The following FMNL2 variants were observed in gnomAD, a reference collection of about 807,000 sequenced individuals.
FMNL2 encodes formin-like protein 2.
Under a neutral mutation model 130.2 loss-of-function variants are expected in FMNL2, and 51 were observed. The ratio of observed to expected loss-of-function variants is 0.39; its 90% CI spans 0.31 to 0.49. The LOEUF (loss-of-function observed/expected upper bound fraction) is 0.49, where lower values mean the gene tolerates loss of function less well. Ranked by LOEUF, FMNL2 falls within the 20% of genes least tolerant of loss-of-function variation. The probability of loss-of-function intolerance (pLI) is 0.85; values close to 1 mark genes in which losing one functional copy is unlikely to be tolerated. For missense variants in FMNL2, 977 were observed against 1,316.2 expected, an observed-to-expected ratio of 0.74 and a Z score of 3.99; for synonymous variants, 465 against 467.1, an observed-to-expected ratio of 1.00 and a Z score of 0.06.
chr2:152,580,817 T>C (rs1025630670), intron 8 of FMNL2, 139 bp from the exon 9 acceptor site: 2 of 715,712 alleles, frequency 2.8e-6, no homozygotes, highest in Non-Finnish European at 4.6e-6. Flanking sequence ...AAATGTACTT[T>C]GATTAAACTG....
chr2:152,640,951 C>A, intron 25 of FMNL2, 37 bp downstream of exon 25: 2 of 1,611,254 alleles, frequency 1.2e-6, no homozygotes, highest in Non-Finnish European at 1.7e-6. Context: ...CATGGAGATC[C>A]CACTGGCCTC....
chr2:152,624,604 C>T (rs180759547), intron 15 of FMNL2, among the ~76,000 whole-genome samples: 2 of 152,060 alleles, frequency 1.3e-5, no homozygotes, highest in Non-Finnish European at 2.9e-5. Context: ...TCTGGGAGGC[C>T]GAGTGGGGAA....
chr2:152,583,477 C>A (rs1041890451), intron 9 of FMNL2, among the ~76,000 whole-genome samples: 3 of 152,194 alleles, frequency 2.0e-5, no homozygotes, highest in African/African-American at 7.2e-5. Context: ...TTGAGAGAGT[C>A]ACACAAGGTG....
chr2:152,406,044 A>G (rs1685961202), intron 1 of FMNL2, among the ~76,000 whole-genome samples: 2 of 152,136 alleles, frequency 1.3e-5, no homozygotes, highest in Non-Finnish European at 1.5e-5. Context: ...CAAGGTATAT[A>G]TATCTCTTGT....
chr2:152,644,827 A>G (rs1683400883), intron 25 of FMNL2, among the ~76,000 whole-genome samples: 1 of 152,164 alleles, frequency 6.6e-6, no homozygotes, highest in Non-Finnish European at 1.5e-5. Context: ...CTGTTTTTAA[A>G]TTGGGGGGGA....
chr2:152,525,393 A>G (rs779077921), intron 2 of FMNL2, among the ~76,000 whole-genome samples: 6 of 151,344 alleles, frequency 4.0e-5, no homozygotes, highest in Non-Finnish European at 8.8e-5. Context: ...ACCAACATAT[A>G]ATCCAGTCCA....
intron 1 of FMNL2, among the ~76,000 whole-genome samples, chr2:152,502,695 C>G (rs557494124): frequency 3.3e-4 from 50 of 152,244 alleles, no homozygotes; most frequent in African/African-American, 1.1e-3. Flanking sequence ...TCAAAAAAAC[C>G]CAGAAAACCC....
intron 4 of FMNL2, among the ~76,000 whole-genome samples, chr2:152,556,316 G>A (rs1695200056): frequency 6.6e-6 from 1 of 152,110 alleles, no homozygotes; most frequent in African/African-American, 2.4e-5. Context: ...CAAATCCCAG[G>A]GAGGATCTTG....
intron 9 of FMNL2, among the ~76,000 whole-genome samples, chr2:152,606,423 A>G (rs1698356946): frequency 1.3e-5 from 2 of 152,182 alleles, no homozygotes; most frequent in South Asian, 4.1e-4. Context: ...GACTTTAAAA[A>G]TAAGTCTTCA....
chr2:152,606,654 G>A (rs1355957502), intron 9 of FMNL2, among the ~76,000 whole-genome samples: 1 of 56,196 alleles, frequency 1.8e-5, no homozygotes, highest in South Asian at 5.0e-4. Flanking sequence ...TTTTTTTTTA[G>A]CTCCATGTAT....
chr2:152,606,629 CTTTTTTTTTTTTT>C (rs70974875), intron 9 of FMNL2, among the ~76,000 whole-genome samples: 1 of 105,480 alleles, frequency 9.5e-6, no homozygotes, highest in Non-Finnish European at 1.9e-5. Flanking sequence ...TTTTTTGACT[CTTTTTTTTTTTTT>C]TTTTTTTTTT....
In FMNL2 at chr2:152,387,196, T is replaced by G. The variant is rs112788822; in HGVS notation, c.117+51476T>G. Among the ~76,000 whole-genome samples the G allele has an allele frequency of 1.5e-4, 23 of 152,286 alleles. 2 individuals are homozygous for G. The highest frequency in any genetic ancestry group is 5.1e-4 in the African/African-American group (21 of 41,568). On this transcript the variant is annotated intron_variant, in intron 1 of 25. Transcript: ENST00000288670. ...CAAAGCCCAACTGTTATCTATAGTG[T>G]GCTGTTGCCAAGCTCCCAGTAAAGT...
Position 152,348,875 on chromosome 2 carries a change from C to T in FMNL2, c.117+13155C>T, listed in dbSNP as rs1247361559. On this transcript the variant is annotated intron_variant, in intron 1 of 25. Transcript: ENST00000288670. ...CGGAGTCTCGCTCTGTCGCCCAGGC[C>T]GGACTGTGGACTGCAGTGGCACAAT... 7.1e-5 allele frequency among the ~76,000 whole-genome samples: 8 copies of T among 112,372 alleles called. 1 individual carries two copies. In the South Asian group the frequency reaches 8.8e-4, roughly 12 times the overall value. 73.7% of individuals were successfully genotyped at this position (112,372 alleles called of 152,430 possible). A position where few individuals can be genotyped will look rare whatever the true frequency, so the allele number is the denominator to read the frequency against.
intron 1 of FMNL2, among the ~76,000 whole-genome samples, chr2:152,336,161 C>T (rs1216599787): frequency 1.3e-5 from 2 of 152,048 alleles, no homozygotes; most frequent in African/African-American, 2.4e-5. Flanking sequence ...GGCGGCCAGC[C>T]CGGGACCTGC....
intron 9 of FMNL2, among the ~76,000 whole-genome samples, chr2:152,599,434 T>G (rs1697937924): frequency 7.2e-6 from 1 of 139,124 alleles, no homozygotes; most frequent in Non-Finnish European, 1.5e-5. Context: ...TTTTTTTTTT[T>G]TTTAGAGAGG....
chr2:152,641,087 A>G (rs1683045520), intron 25 of FMNL2, among the ~76,000 whole-genome samples, 173 bp downstream of exon 25: 1 of 152,184 alleles, frequency 6.6e-6, no homozygotes, highest in Non-Finnish European at 1.5e-5. Context: ...AGCAGCATGT[A>G]TACTGCCCCA....
rs544933152 is a variant in FMNL2 at position 152,567,916 on chromosome 2, G to A, written c.596+6881G>A. 5.3e-5 allele frequency among the ~76,000 whole-genome samples: 8 copies of A among 152,212 alleles called. No individual in the cohort carries two copies. The South Asian group carries it at 1.7e-3, about 32-fold the overall frequency. On this transcript the variant is annotated intron_variant, in intron 6 of 25. Coordinates refer to ENST00000288670, the MANE Select transcript of FMNL2 (RefSeq NM_052905.4). Reference sequence around the variant, plus strand: ...TTTTCTTTTACTTGTTCCCATTAGGGCTTAGATATTATGAATCTCACAAAT... The same window carrying A: ...TTTTCTTTTACTTGTTCCCATTAGGACTTAGATATTATGAATCTCACAAAT...
At chr2:152,371,782 G>A (rs1683900172) in intron 1 of FMNL2, among the ~76,000 whole-genome samples, 1 of 151,962 alleles carries the variant, frequency 6.6e-6, no homozygotes, top group Non-Finnish European at 1.5e-5. Context: ...ATGAATTAAT[G>A]GGTTATCATG....
chr2:152,510,785 A>G (rs955187730), intron 1 of FMNL2, among the ~76,000 whole-genome samples: 36 of 152,184 alleles, frequency 2.4e-4, no homozygotes, highest in Admixed American at 1.9e-3. Context: ...AAGGCCTGCC[A>G]CGCAAGACTT....
Sources: allele counts gnomAD v4.1 joint callset (sites outside exome capture counted in the v4.1 genomes callset), GRCh38; gene constraint gnomAD v4.1.1; transcripts MANE v1.5; gene names NCBI Gene and HGNC (gene_info 2026-07-23, HGNC 2026-07-21).